The following SCFD2 variants were observed in gnomAD, a reference collection of about 807,000 sequenced individuals.
SCFD2 encodes sec1 family domain containing 2, also known as sec1 family domain-containing protein 2.
SCFD2 carries 54 observed loss-of-function variants against 58.9 expected under a neutral mutation model. That is an observed-to-expected ratio of 0.92 (90% CI 0.74 to 1.15). SCFD2 has a LOEUF of 1.15. SCFD2 is among the 50% of genes most tolerant of loss of function. The probability of loss-of-function intolerance (pLI) is 0.00; values close to 1 mark genes in which losing one functional copy is unlikely to be tolerated. For missense variants in SCFD2, 805 were observed against 836.6 expected (o/e 0.96, Z 0.47); for synonymous variants, 321 against 335.9 (o/e 0.96, Z 0.49).
At chr4:53,220,035 A>T (rs577649814) in intron 4 of SCFD2, among the ~76,000 whole-genome samples, 1 of 151,840 alleles carries the variant, frequency 6.6e-6, no homozygotes, top group Non-Finnish European at 1.5e-5. Flanking sequence ...ACCTAAAACT[A>T]TCTCTCCCCA....
At chr4:52,971,273 A>C (rs1267267989) in intron 5 of SCFD2, among the ~76,000 whole-genome samples, 1 of 152,224 alleles carries the variant, frequency 6.6e-6, no homozygotes, top group Non-Finnish European at 1.5e-5. Context: ...CCTTGAAAAA[A>C]AATTAGACAA....
chr4:53,090,521 A>C (rs1724438632), intron 5 of SCFD2, among the ~76,000 whole-genome samples: 1 of 152,320 alleles, frequency 6.6e-6, no homozygotes, highest in Non-Finnish European at 1.5e-5. Context: ...GAGAGAGTAC[A>C]AGAAAGGATC....
At chr4:53,289,493 G>C (rs369493871) in intron 3 of SCFD2, among the ~76,000 whole-genome samples, 1 of 151,992 alleles carries the variant, frequency 6.6e-6, no homozygotes, top group Non-Finnish European at 1.5e-5. Context: ...ATGAGAAAAA[G>C]AAAAGGAATC....
chr4:53,182,741 T>C (rs1195244200), intron 4 of SCFD2, among the ~76,000 whole-genome samples: 1 of 152,006 alleles, frequency 6.6e-6, no homozygotes, highest in Non-Finnish European at 1.5e-5. Flanking sequence ...AGAAAATTTT[T>C]GCAACCTACT....
chr4:53,355,984 C>T (rs1734387298), intron 1 of SCFD2, among the ~76,000 whole-genome samples: 1 of 152,218 alleles, frequency 6.6e-6, no homozygotes. Context: ...TTCAGAGTGG[C>T]TTAACTGGGT....
At chr4:52,915,876 G>C (rs921374272) in intron 6 of SCFD2, among the ~76,000 whole-genome samples, 3 of 152,196 alleles carry the variant, frequency 2.0e-5, no homozygotes, top group Non-Finnish European at 4.4e-5. Context: ...AGAACAACTG[G>C]AGGCCAGGGC....
intron 5 of SCFD2, among the ~76,000 whole-genome samples, chr4:53,089,736 T>C (rs1442320282): frequency 2.6e-5 from 4 of 152,170 alleles, no homozygotes; most frequent in Non-Finnish European, 5.9e-5. Flanking sequence ...TTCTTGCCAA[T>C]GGATAGAGGT....
At chr4:53,304,379 G>A (rs538707071) in intron 3 of SCFD2, among the ~76,000 whole-genome samples, 1 of 152,200 alleles carries the variant, frequency 6.6e-6, no homozygotes, top group Non-Finnish European at 1.5e-5. Context: ...GGCCTGTCTT[G>A]CTAGGTTGGG....
At chr4:52,961,850 G>A (rs1417962736) in intron 5 of SCFD2, among the ~76,000 whole-genome samples, 1 of 152,164 alleles carries the variant, frequency 6.6e-6, no homozygotes, top group Admixed American at 6.5e-5. Context: ...TGGCTTAGAA[G>A]TGGTGAGACT....
chr4:53,290,613 G>T (rs943560140), intron 3 of SCFD2, among the ~76,000 whole-genome samples: 1 of 150,980 alleles, frequency 6.6e-6, no homozygotes, highest in Non-Finnish European at 1.5e-5. Context: ...ATATAATAAA[G>T]ACCAGAATAC....
At chr4:52,971,374 A>G (rs1297292261) in intron 5 of SCFD2, among the ~76,000 whole-genome samples, 1 of 152,244 alleles carries the variant, frequency 6.6e-6, no homozygotes, top group East Asian at 1.9e-4. Flanking sequence ...ACGAATGCAC[A>G]AGCCTCGTAG....
chr4:53,046,507 G>T (rs1332673141), intron 5 of SCFD2, among the ~76,000 whole-genome samples: 5 of 151,902 alleles, frequency 3.3e-5, no homozygotes, highest in Non-Finnish European at 5.9e-5. Context: ...GAGCCACTGC[G>T]CCTGACCTAT....
intron 5 of SCFD2, among the ~76,000 whole-genome samples, chr4:53,013,861 C>T (rs73149168): frequency 0.013 from 2,014 of 152,100 alleles, 41 homozygotes; most frequent in African/African-American, 0.046. Context: ...GCTTGGATTC[C>T]GTGCAGGGGA....
chr4:53,242,691 T>G (rs1729938026), intron 4 of SCFD2, among the ~76,000 whole-genome samples: 1 of 152,224 alleles, frequency 6.6e-6, no homozygotes, highest in African/African-American at 2.4e-5. Flanking sequence ...TCAGCAAGAT[T>G]CAGGAGAATG....
At chr4:53,073,082 T>C (rs1165324475) in intron 5 of SCFD2, among the ~76,000 whole-genome samples, 7 of 151,810 alleles carry the variant, frequency 4.6e-5, no homozygotes, top group Admixed American at 3.3e-4. Context: ...AACATGTACA[T>C]ACTTTTTTTC....
chr4:53,246,777 C>A (rs189015992), intron 4 of SCFD2, among the ~76,000 whole-genome samples: 1 of 151,992 alleles, frequency 6.6e-6, no homozygotes, highest in Non-Finnish European at 1.5e-5. Flanking sequence ...TCATTCTGGA[C>A]GTAGGAACTG....
At chr4:52,877,031 A>G (rs928052200) in intron 8 of SCFD2, among the ~76,000 whole-genome samples, 35 of 152,122 alleles carry the variant, frequency 2.3e-4, no homozygotes, top group African/African-American at 8.0e-4. Flanking sequence ...CTCCATCCCC[A>G]TGGGTGCTAA....
intron 5 of SCFD2, among the ~76,000 whole-genome samples, chr4:52,990,565 C>T (rs777124143): frequency 2.0e-5 from 3 of 152,088 alleles, no homozygotes; most frequent in Non-Finnish European, 4.4e-5. Flanking sequence ...AAATGACGTG[C>T]AGATGGTTTA....
intron 5 of SCFD2, among the ~76,000 whole-genome samples, chr4:53,080,177 T>A (rs1724098781): frequency 6.6e-6 from 1 of 152,164 alleles, no homozygotes; most frequent in African/African-American, 2.4e-5. Flanking sequence ...GAATGATGAG[T>A]TCTCATCTCA....
Sources: allele counts gnomAD v4.1 joint callset (sites outside exome capture counted in the v4.1 genomes callset), GRCh38; gene constraint gnomAD v4.1.1; transcripts MANE v1.5; gene names NCBI Gene and HGNC (gene_info 2026-07-23, HGNC 2026-07-21).